NOL4: variants seen among roughly 807,000 people sequenced by gnomAD.
NOL4 encodes the protein nucleolar protein 4.
NOL4 carries 17 observed loss-of-function variants against 75.9 expected under a neutral mutation model. The observed-to-expected ratio is 0.22, with a 90% CI of 0.15 to 0.34. The LOEUF (loss-of-function observed/expected upper bound fraction) is 0.34, where lower values mean the gene tolerates loss of function less well. NOL4 is among the 10% of genes least tolerant of loss of function. NOL4 has a pLI of 1.00. For missense variants in NOL4, 614 were observed against 793.5 expected (o/e 0.77, Z 2.72); for synonymous variants, 292 against 289.9 (o/e 1.01, Z -0.07).
At chr18:34,074,873 CT>C (rs1372731236) in intron 5 of NOL4, among the ~76,000 whole-genome samples, 1 of 152,080 alleles carries the variant, frequency 6.6e-6, no homozygotes, top group Non-Finnish European at 1.5e-5. Context: ...ATGTAATTGG[CT>C]TACTCATTAA....
In NOL4 at chr18:33,934,975, C is replaced by G. The variant is rs2067963609; in HGVS notation, c.1542+8090G>C. On this transcript the variant is annotated intron_variant, in intron 9 of 10. Transcript: ENST00000261592. ...CTGGGCTAAAGCAATCCTCTCACCT[C>G]AGCCTCCCAAGTAGCTAGAACTACA... 3.3e-5 allele frequency among the ~76,000 whole-genome samples: 5 copies of G among 151,588 alleles called. No homozygotes were observed. In the South Asian group the frequency reaches 1.0e-3, roughly 32 times the overall value.
At chr18:34,057,603 G>T (rs554914996) in intron 5 of NOL4, among the ~76,000 whole-genome samples, 10 of 152,188 alleles carry the variant, frequency 6.6e-5, no homozygotes, top group Admixed American at 2.0e-4. Flanking sequence ...ATAGTAATAA[G>T]TAACAGTATC....
At chr18:33,934,364 C>A (rs2067913669) in intron 9 of NOL4, among the ~76,000 whole-genome samples, 1 of 152,126 alleles carries the variant, frequency 6.6e-6, no homozygotes, top group African/African-American at 2.4e-5. Flanking sequence ...GCATTAGCCC[C>A]TAACAGTAGA....
chr18:33,999,421 G>A (rs2073533522), intron 6 of NOL4, among the ~76,000 whole-genome samples: 1 of 151,876 alleles, frequency 6.6e-6, no homozygotes, highest in African/African-American at 2.4e-5. Flanking sequence ...AAAATATAAT[G>A]TTATTTTCTA....
intron 1 of NOL4, 34 bp from the exon 2 acceptor site, chr18:34,130,054 A>G: frequency 1.3e-6 from 2 of 1,484,500 alleles, no homozygotes; most frequent in Non-Finnish European, 1.8e-6. Context: ...AAAACCCATA[A>G]GATTAATAAA....
chr18:33,874,066 T>C (rs1045802054), intron 10 of NOL4, among the ~76,000 whole-genome samples: 9 of 152,034 alleles, frequency 5.9e-5, no homozygotes, highest in Middle Eastern at 3.4e-3. Context: ...TAGATCATGG[T>C]AGAGAACTGG....
intron 5 of NOL4, among the ~76,000 whole-genome samples, chr18:34,051,689 T>C (rs1407559041): frequency 6.6e-6 from 1 of 152,034 alleles, no homozygotes; most frequent in East Asian, 1.9e-4. Context: ...GCATAGTCTA[T>C]GTGCCAGACA....
In NOL4 at chr18:33,991,006, G is replaced by A. The variant is rs140613423; in HGVS notation, c.1056+28312C>T. On this transcript the variant is annotated intron_variant, in intron 6 of 10. Transcript: ENST00000261592. Reference sequence around the variant, plus strand: ...TACAAACTTTCAATATCTTATACCCGCTATGCCTGTTACCTGCCTTCATAA... The same window carrying A: ...TACAAACTTTCAATATCTTATACCCACTATGCCTGTTACCTGCCTTCATAA... Among the ~76,000 whole-genome samples, 95 of 151,778 alleles carry A rather than the reference G, an allele frequency of 6.3e-4. 1 individual carries two copies. The highest frequency in any genetic ancestry group is 2.0e-3 in the African/African-American group (81 of 41,334).
chr18:34,076,306 T>C (rs1285080289), intron 5 of NOL4, among the ~76,000 whole-genome samples: 1 of 152,064 alleles, frequency 6.6e-6, no homozygotes, highest in Non-Finnish European at 1.5e-5. Flanking sequence ...GCGCACAAAC[T>C]TTTTCACTTT....
At chr18:33,930,630 G>A (rs1568080076) in intron 9 of NOL4, among the ~76,000 whole-genome samples, 1 of 152,204 alleles carries the variant, frequency 6.6e-6, no homozygotes, top group East Asian at 1.9e-4. Context: ...CCAATGCTGA[G>A]TAAACAAAAA....
At chr18:34,004,851 G>A (rs535614407) in intron 6 of NOL4, among the ~76,000 whole-genome samples, 1 of 152,092 alleles carries the variant, frequency 6.6e-6, no homozygotes, top group East Asian at 1.9e-4. Flanking sequence ...TTATATTCAT[G>A]ACTTACTTTC....
intron 1 of NOL4, among the ~76,000 whole-genome samples, chr18:34,188,132 G>A (rs1361183701): frequency 2.0e-5 from 3 of 152,108 alleles, no homozygotes; most frequent in African/African-American, 4.8e-5. Context: ...AATTACAGGC[G>A]TTTTAAGAGT....
At chr18:34,220,386 G>A (rs148550352) in intron 1 of NOL4, among the ~76,000 whole-genome samples, 26 of 152,236 alleles carry the variant, frequency 1.7e-4, no homozygotes, top group Admixed American at 5.9e-4. Context: ...AAAGCCAGCC[G>A]TGAACCCTCA....
At chr18:34,030,677 T>C (rs903290029) in intron 5 of NOL4, among the ~76,000 whole-genome samples, 4 of 152,122 alleles carry the variant, frequency 2.6e-5, no homozygotes, top group African/African-American at 9.7e-5. Flanking sequence ...TTAATAATAA[T>C]ATATAGTTTC....
intron 1 of NOL4, among the ~76,000 whole-genome samples, chr18:34,167,300 C>T (rs972616769): frequency 4.6e-5 from 7 of 151,936 alleles, no homozygotes; most frequent in African/African-American, 1.4e-4. Flanking sequence ...GTTCAGTTCA[C>T]CTTTAAAATA....
chr18:34,161,929 A>C (rs917820518), intron 1 of NOL4, among the ~76,000 whole-genome samples: 16 of 152,122 alleles, frequency 1.1e-4, no homozygotes, highest in Non-Finnish European at 4.4e-5. Context: ...GATTCAGTAA[A>C]TAGGAGATTA....
chr18:34,140,038 G>C (rs1311942250), intron 1 of NOL4, among the ~76,000 whole-genome samples: 2 of 152,206 alleles, frequency 1.3e-5, no homozygotes, highest in East Asian at 1.9e-4. Flanking sequence ...ACTGTGGTCT[G>C]AGAGACAGTT....
At chr18:33,899,477 C>G (rs2065620031) in intron 9 of NOL4, among the ~76,000 whole-genome samples, 4 of 152,136 alleles carry the variant, frequency 2.6e-5, no homozygotes, top group Admixed American at 2.0e-4. Context: ...TTTGGGGAAG[C>G]CTGCAGCCAG....
chr18:34,139,001 G>T (rs1424326245), intron 1 of NOL4, among the ~76,000 whole-genome samples: 1 of 152,112 alleles, frequency 6.6e-6, no homozygotes. Flanking sequence ...ATATGTTGAA[G>T]CAGCCTTGCA....
Sources: gnomAD v4.1 joint callset for allele counts (sites outside exome capture counted in the v4.1 genomes callset) on GRCh38, gnomAD v4.1.1 for gene constraint, MANE v1.5 for transcripts, NCBI Gene and HGNC (gene_info 2026-07-23, HGNC 2026-07-21) for gene names.